MEGF11: variants seen among roughly 807,000 people sequenced by gnomAD.
MEGF11 encodes multiple epidermal growth factor-like domains protein 11.
In MEGF11, 126 loss-of-function variants were observed where a neutral mutation model predicts 146.6. The ratio of observed to expected loss-of-function variants is 0.86; its 90% CI spans 0.74 to 1.00. The LOEUF (loss-of-function observed/expected upper bound fraction) is 1.00, where lower values mean the gene tolerates loss of function less well. Among genes scored for constraint, MEGF11 ranks in the 50% least tolerant of loss-of-function variants. The pLI, the probability that MEGF11 is intolerant of heterozygous loss-of-function variation, is 0.00. For synonymous variants in MEGF11, 532 were observed against 583.4 expected, an observed-to-expected ratio of 0.91 and a Z score of 1.27; for missense variants, 1,509 against 1,521.2, an observed-to-expected ratio of 0.99 and a Z score of 0.13.
intron 1 of MEGF11, among the ~76,000 whole-genome samples, chr15:66,140,503 C>T (rs1310832049): frequency 6.6e-6 from 1 of 152,208 alleles, no homozygotes; most frequent in Admixed American, 6.5e-5. Context: ...CCTCAATACA[C>T]TGAATCACCC....
chr15:66,136,154 A>G (rs966735446), intron 1 of MEGF11, among the ~76,000 whole-genome samples: 1 of 152,178 alleles, frequency 6.6e-6, no homozygotes, highest in Non-Finnish European at 1.5e-5. Flanking sequence ...TCTTTTACAA[A>G]TAGGAAGGGT....
chr15:66,073,799 G>T (rs1037315891), intron 5 of MEGF11, among the ~76,000 whole-genome samples: 1 of 152,126 alleles, frequency 6.6e-6, no homozygotes, highest in Non-Finnish European at 1.5e-5. Context: ...CTCACACCTG[G>T]TATTGTCAGA....
intron 4 of MEGF11, among the ~76,000 whole-genome samples, chr15:66,105,911 G>A (rs374629917): frequency 3.9e-5 from 6 of 152,176 alleles, no homozygotes; most frequent in Admixed American, 1.3e-4. Context: ...TTCAGTTGCC[G>A]CCACTCTGGC....
intron 5 of MEGF11, among the ~76,000 whole-genome samples, chr15:66,030,147 C>T (rs144104659): frequency 6.6e-6 from 1 of 152,188 alleles, no homozygotes; most frequent in East Asian, 1.9e-4. Context: ...GAGATTCAGA[C>T]ATGACTTCTC....
Position 65,898,765 on chromosome 15 carries a change from T to C in MEGF11, c.3225A>G (p.Pro1075=). Residue 1075 remains proline (P), a synonymous_variant, in exon 25 of 26, where the codon CCA becomes CCG. Coordinates refer to ENST00000395614, the MANE Select transcript of MEGF11 (RefSeq NM_001385028.1). ...VHMGSPYTDV[P]SLSTSNKNIY... ...TATTTTTATTAGATGTCGACAAGGATGGCACATCTGTGTACGGAGACCCCA... is the reference window on the plus strand; with the variant it reads ...TATTTTTATTAGATGTCGACAAGGACGGCACATCTGTGTACGGAGACCCCA... The C allele has an allele frequency of 6.2e-7, 1 of 1,613,962 alleles. No homozygotes were observed. Among genetic ancestry groups the C allele is most frequent in the Non-Finnish European group, 8.5e-7 (1 of 1,179,838 alleles).
intron 1 of MEGF11, among the ~76,000 whole-genome samples, chr15:66,168,134 A>G (rs1409374028): frequency 6.6e-6 from 1 of 151,990 alleles, no homozygotes; most frequent in African/African-American, 2.4e-5. Flanking sequence ...CTCCTACCTG[A>G]TGGAGCAACC....
At chr15:66,172,849 G>A (rs955983721) in intron 1 of MEGF11, among the ~76,000 whole-genome samples, 3 of 152,182 alleles carry the variant, frequency 2.0e-5, no homozygotes, top group Admixed American at 6.5e-5. Flanking sequence ...TAGGTCACAC[G>A]CAGTCACAGC....
intron 1 of MEGF11, among the ~76,000 whole-genome samples, chr15:66,141,236 GTGTGTGTGTGTGTGTGTGTGTGTGT>G (rs2089137311): frequency 8.6e-5 from 5 of 58,354 alleles, no homozygotes; most frequent in Non-Finnish European, 1.3e-4. Context: ...ACTCAGGGGT[GTGTGTGTGTGTGTGTGTGTGTGTGT>G]GTGTGTGTGT....
intron 1 of MEGF11, among the ~76,000 whole-genome samples, chr15:66,208,804 C>T (rs2091366792): frequency 6.6e-6 from 1 of 152,062 alleles, no homozygotes. Flanking sequence ...ATCGCTTGAA[C>T]CTGGGAGGTG....
chr15:66,058,198 T>C (rs1039188276), intron 5 of MEGF11, among the ~76,000 whole-genome samples: 1 of 152,108 alleles, frequency 6.6e-6, no homozygotes, highest in Non-Finnish European at 1.5e-5. Context: ...GGCTGACAGC[T>C]CTTGATAAAG....
intron 1 of MEGF11, among the ~76,000 whole-genome samples, chr15:66,150,846 G>GAT (rs2089546005): frequency 1.4e-5 from 2 of 147,336 alleles, no homozygotes; most frequent in Non-Finnish European, 3.0e-5. Context: ...GAGAGAGAGA[G>GAT]AGAGAGAGAG....
intron 5 of MEGF11, among the ~76,000 whole-genome samples, chr15:66,032,320 A>T (rs1801310565): frequency 6.6e-6 from 1 of 152,246 alleles, no homozygotes; most frequent in South Asian, 2.1e-4. Flanking sequence ...CAGAAAATTG[A>T]TACTGAAAAA....
At chr15:66,026,965 T>G (rs1186921186) in intron 5 of MEGF11, among the ~76,000 whole-genome samples, 1 of 152,214 alleles carries the variant, frequency 6.6e-6, no homozygotes, top group Non-Finnish European at 1.5e-5. Flanking sequence ...ATCCCTTTTT[T>G]CTTCTTTTAC....
chr15:66,212,980 G>C (rs1263412146), intron 1 of MEGF11, among the ~76,000 whole-genome samples: 11 of 152,222 alleles, frequency 7.2e-5, no homozygotes. Context: ...CAGGCTTCCA[G>C]TCCTGTAGAT....
At chr15:65,992,339 A>T (rs2082068478) in intron 5 of MEGF11, among the ~76,000 whole-genome samples, 1 of 151,874 alleles carries the variant, frequency 6.6e-6, no homozygotes, top group Non-Finnish European at 1.5e-5. Context: ...CCCCTGCTTG[A>T]AATATCACTG....
intron 5 of MEGF11, among the ~76,000 whole-genome samples, chr15:66,069,031 G>A (rs2085256572): frequency 6.6e-6 from 1 of 152,198 alleles, no homozygotes; most frequent in Non-Finnish European, 1.5e-5. Flanking sequence ...AGACAGTCTG[G>A]ACTGAGTCCT....
intron 1 of MEGF11, among the ~76,000 whole-genome samples, chr15:66,228,711 C>T (rs572529568): frequency 5.2e-4 from 79 of 152,320 alleles, no homozygotes; most frequent in Admixed American, 1.4e-3. Flanking sequence ...ATGGTTTCCA[C>T]GTGTTTCTCC....
intron 24 of MEGF11, chr15:65,905,841 A>G (rs1324259249): frequency 1.5e-5 from 6 of 407,454 alleles, no homozygotes; most frequent in African/African-American, 4.1e-5. Flanking sequence ...TGGCATCTAT[A>G]AAAAACCCAC....
At chr15:66,087,061 G>A (rs2086139057) in intron 5 of MEGF11, among the ~76,000 whole-genome samples, 1 of 152,178 alleles carries the variant, frequency 6.6e-6, no homozygotes, top group South Asian at 2.1e-4. Flanking sequence ...AACAACAGCA[G>A]TTAAGAGAGA....
Sources: allele counts gnomAD v4.1 joint callset (sites outside exome capture counted in the v4.1 genomes callset), GRCh38; gene constraint gnomAD v4.1.1; transcripts MANE v1.5; gene names NCBI Gene and HGNC (gene_info 2026-07-23, HGNC 2026-07-21).